RPSA: variants seen among roughly 807,000 people sequenced by gnomAD.
RPSA encodes small ribosomal subunit protein uS2.
For missense variants in RPSA, 140 were observed against 372.8 expected, an observed-to-expected ratio of 0.38 and a Z score of 5.14; for synonymous variants, 103 against 126.7, an observed-to-expected ratio of 0.81 and a Z score of 1.25.
chr3:39,409,063 G>T, intron 3 of RPSA: 1 of 170,344 alleles, frequency 5.9e-6, no homozygotes, highest in African/African-American at 2.6e-5. Flanking sequence ...CAGCCTGGGT[G>T]ACAGAGCCGA....
chr3:39,408,132 GAATGAAC>G (rs1451304395), intron 2 of RPSA: 1 of 370,956 alleles, frequency 2.7e-6, no homozygotes, highest in Admixed American at 4.1e-5. Context: ...TAAGAGGTGG[GAATGAAC>G]AATATGGTTT....
chr3:39,407,496 T>G, intron 1 of RPSA, 125 bp from the exon 2 acceptor site: 1 of 761,568 alleles, frequency 1.3e-6, no homozygotes, highest in East Asian at 2.5e-5. Context: ...ACTTTCTGTT[T>G]ACCCTTCACT....
intron 3 of RPSA, among the ~76,000 whole-genome samples, chr3:39,409,370 T>G (rs979261040): frequency 5.9e-5 from 9 of 151,866 alleles, no homozygotes; most frequent in African/African-American, 1.9e-4. Context: ...CCTGACTGAT[T>G]TTTGTATTTT....
intron 1 of RPSA, chr3:39,406,997 G>C: frequency 2.2e-6 from 1 of 452,894 alleles, no homozygotes; most frequent in Non-Finnish European, 4.4e-6. Context: ...CTCCGAGCTG[G>C]GGTTCGGACC....
At chr3:39,408,266 C>T in intron 2 of RPSA, 1 of 465,592 alleles carries the variant, frequency 2.1e-6, no homozygotes, top group South Asian at 1.8e-5. Context: ...ATGAATCTTG[C>T]ATCAGTGCAG....
In RPSA at chr3:39,406,744, G is replaced by A. The variant is rs1482853152; in HGVS notation, c.-54G>A. The A allele has an allele frequency of 4.9e-6, 2 of 407,168 alleles. No homozygotes were observed. Among genetic ancestry groups the A allele is most frequent in the East Asian group, 7.7e-5 (1 of 12,922 alleles). The allele number at this position is 407,168 out of a possible 1,614,324, so 25.2% of individuals were successfully genotyped here. On this transcript the variant is annotated 5_prime_UTR_variant, in exon 1 of 7. Transcript: ENST00000301821. ...TCTTTTCCGTGCTACCTGCAGAGGG[G>A]TCCATACGGCGTTGTTCTGGGTGAG... is the stretch of plus-strand genomic sequence containing the variant.
In RPSA at chr3:39,408,480, G is replaced by A. The variant is rs961880947; in HGVS notation, c.134-126G>A. ...GTGCTATATCAATGGCAGGATTTTC[G>A]CTAACACCAGTAGAGCTTGCCTCTA... is the stretch of plus-strand genomic sequence containing the variant. On this transcript the variant is annotated intron_variant, in intron 2 of 6. Transcript: ENST00000301821. 14 of 781,932 alleles carry A rather than the reference G, an allele frequency of 1.8e-5. No individual in the cohort carries two copies. In the East Asian group the frequency reaches 1.9e-4, roughly 11 times the overall value. 48.4% of individuals were successfully genotyped at this position (781,932 alleles called of 1,614,324 possible). A position where few individuals can be genotyped will look rare whatever the true frequency, so the allele number is the denominator to read the frequency against.
At position 39,410,927 on chromosome 3, in the gene RPSA, A is replaced by G. The variant is rs1399749275; in HGVS notation, c.426A>G (p.Leu142=). 12 of 1,590,976 alleles carry G rather than the reference A, an allele frequency of 7.5e-6. No homozygotes were observed. The highest frequency in any genetic ancestry group is 1.0e-5 in the Non-Finnish European group (12 of 1,171,982). The change falls in exon 4 of 7, where the codon CTA becomes CTG. Residue 142 remains leucine (L), a synonymous_variant. Transcript: ENST00000301821. ...QPLTEASYVN[L]PTIALCNTDS... is the part of the protein sequence containing the mutation. ...TCACGGAGGCATCTTATGTTAACCTACCTACCATTGCGCTGTGTAACACAG... is the reference window on the plus strand; with the variant it reads ...TCACGGAGGCATCTTATGTTAACCTGCCTACCATTGCGCTGTGTAACACAG...
In RPSA at chr3:39,408,663, C is replaced by T. The variant is rs780348162; in HGVS notation, c.191C>T (p.Ala64Val). The T allele has an allele frequency of 1.2e-6, 2 of 1,613,608 alleles. No homozygotes were observed. Among genetic ancestry groups the T allele is most frequent in the East Asian group, 2.2e-5 (1 of 44,882 alleles). The change falls in exon 3 of 7, where the codon GCA becomes GTA. Residue 64 changes from alanine (A) to valine (V), a missense_variant. Coordinates refer to ENST00000301821, the MANE Select transcript of RPSA (RefSeq NM_002295.6). The part of the protein sequence containing the change: ...TWEKLLLAAR[A>V]IVAIENPADV... The stretch of plus-strand genomic sequence containing the variant: ...GAGAAGCTTCTGCTGGCAGCTCGTG[C>T]AATTGTTGCCATTGAAAACCCTGCT...
chr3:39,408,351 A>G (rs1559398687), intron 2 of RPSA: 1 of 671,964 alleles, frequency 1.5e-6, no homozygotes, highest in Non-Finnish European at 2.8e-6. Flanking sequence ...AGTACAGGGA[A>G]AGAGAAAGGA....
intron 3 of RPSA, chr3:39,409,084 CAAAAAAA>C (rs752029969): frequency 1.3e-5 from 1 of 75,672 alleles, no homozygotes; most frequent in Non-Finnish European, 2.7e-5. Context: ...GACTCTGTCT[CAAAAAAA>C]AAAAAAAAGA....
At chr3:39,407,844 C>A (rs765532860) in intron 2 of RPSA, 58 bp downstream of exon 2, 114 of 1,448,008 alleles carry the variant, frequency 7.9e-5, no homozygotes, top group Non-Finnish European at 1.1e-4. Context: ...TTTGAGCTTG[C>A]TATTCTCGTG....
At chr3:39,406,947 A>G (rs1223076435) in intron 1 of RPSA, 183 bp downstream of exon 1, 1 of 453,124 alleles carries the variant, frequency 2.2e-6, no homozygotes, top group Non-Finnish European at 4.4e-6. Context: ...GGGTTCCCAG[A>G]GTGCCCCGGG....
At chr3:39,407,157 C>T (rs963518481) in intron 1 of RPSA, 1 of 364,262 alleles carries the variant, frequency 2.7e-6, no homozygotes. Context: ...CCGTGCGGGT[C>T]AGGAGTTAAG....
At chr3:39,408,264 TG>T (rs896963087) in intron 2 of RPSA, 3 of 460,334 alleles carry the variant, frequency 6.5e-6, no homozygotes, top group African/African-American at 5.9e-5. Flanking sequence ...GGATGAATCT[TG>T]CATCAGTGCA....
chr3:39,406,732 A>T lies in RPSA; in HGVS notation c.-66A>T, dbSNP rs2041921540. Reference sequence around the variant, plus strand: ...TCCTGCCGCCTGTCTTTTCCGTGCTACCTGCAGAGGGGTCCATACGGCGTT... The same window carrying T: ...TCCTGCCGCCTGTCTTTTCCGTGCTTCCTGCAGAGGGGTCCATACGGCGTT... On this transcript the variant is annotated 5_prime_UTR_variant, in exon 1 of 7. Transcript: ENST00000301821. 1 of 359,104 alleles carries T rather than the reference A, an allele frequency of 2.8e-6. No individual in the cohort carries two copies. The highest frequency in any genetic ancestry group is 5.4e-6 in the Non-Finnish European group (1 of 183,550). 22.2% of individuals were successfully genotyped at this position (359,104 alleles called of 1,614,324 possible). A position where few individuals can be genotyped will look rare whatever the true frequency, so the allele number is the denominator to read the frequency against.
At chr3:39,407,812 T>TA (rs1406309128) in intron 2 of RPSA, 26 bp downstream of exon 2, 14 of 1,589,426 alleles carry the variant, frequency 8.8e-6, no homozygotes, top group East Asian at 2.2e-5. Context: ...AATTTTTTGT[T>TA]ACTCCAGCTG....
chr3:39,411,495 T>TG (rs1384050898), intron 4 of RPSA, 154 bp from the exon 5 acceptor site: 2 of 781,646 alleles, frequency 2.6e-6, no homozygotes, highest in African/African-American at 3.5e-5. Context: ...CAGACAAGGT[T>TG]GAAAATCCCT....
At chr3:39,411,359 A>G in intron 4 of RPSA, 1 of 567,702 alleles carries the variant, frequency 1.8e-6, no homozygotes, top group Non-Finnish European at 3.2e-6. Flanking sequence ...GATGCTAAAA[A>G]GGTGGGTTGT....
Sources: gnomAD v4.1 joint callset for allele counts (sites outside exome capture counted in the v4.1 genomes callset) on GRCh38, gnomAD v4.1.1 for gene constraint, MANE v1.5 for transcripts, NCBI Gene and HGNC (gene_info 2026-07-23, HGNC 2026-07-21) for gene names.